Variants in ARB2A observed in about 807,000 individuals in gnomAD.
ARB2A encodes the protein ARB2 cotranscriptional regulator A, also known as cotranscriptional regulator ARB2A.
chr5:93,940,475 T>C, the ARB2A span, among the ~76,000 whole-genome samples: 1 of 152,002 alleles, frequency 6.6e-6, no homozygotes, highest in Non-Finnish European at 1.5e-5. Flanking sequence ...TCATATTAAA[T>C]CTTTAACTTA....
At chr5:93,990,967 G>A in the ARB2A span, among the ~76,000 whole-genome samples, 84 of 152,200 alleles carry the variant, frequency 5.5e-4, no homozygotes, top group South Asian at 8.7e-3. Flanking sequence ...TGTATGGCAC[G>A]ATTCGATTGA....
the ARB2A span, among the ~76,000 whole-genome samples, chr5:93,677,944 A>G: frequency 3.3e-5 from 5 of 152,330 alleles, no homozygotes; most frequent in African/African-American, 1.2e-4. Context: ...TCAAAATAAC[A>G]ACAGAACAAC....
chr5:94,044,116 T>C, the ARB2A span, among the ~76,000 whole-genome samples: 1 of 152,158 alleles, frequency 6.6e-6, no homozygotes, highest in Admixed American at 6.5e-5. Flanking sequence ...ACAAGAGGGT[T>C]GGGTAACGTA....
At chr5:94,040,213 C>G in the ARB2A span, among the ~76,000 whole-genome samples, 1 of 152,092 alleles carries the variant, frequency 6.6e-6, no homozygotes, top group Admixed American at 6.6e-5. Context: ...GTACTCTTTG[C>G]TAATGGCTAT....
the ARB2A span, among the ~76,000 whole-genome samples, chr5:94,066,218 C>G: frequency 6.6e-6 from 1 of 151,636 alleles, no homozygotes; most frequent in East Asian, 1.9e-4. Context: ...AACGATACAG[C>G]AATAAATGAC....
chr5:93,942,680 AT>A, the ARB2A span, among the ~76,000 whole-genome samples: 1 of 151,634 alleles, frequency 6.6e-6, no homozygotes, highest in East Asian at 1.9e-4. Flanking sequence ...TATATTAATT[AT>A]AAAAGTAATA....
At chr5:94,091,219 A>T in the ARB2A span, among the ~76,000 whole-genome samples, 1 of 152,240 alleles carries the variant, frequency 6.6e-6, no homozygotes, top group South Asian at 2.1e-4. Context: ...AGAATAAATA[A>T]GGTTGTTTTA....
chr5:94,056,237 A>G, the ARB2A span, among the ~76,000 whole-genome samples: 1 of 152,220 alleles, frequency 6.6e-6, no homozygotes, highest in African/African-American at 2.4e-5. Context: ...GAATACAAAA[A>G]TGTGCTTTGG....
chr5:93,904,951 T>C, the ARB2A span, among the ~76,000 whole-genome samples: 2 of 151,694 alleles, frequency 1.3e-5, no homozygotes, highest in African/African-American at 2.4e-5. Flanking sequence ...AAAGCAAATA[T>C]ACCAGGTAAG....
At chr5:93,828,204 C>T in the ARB2A span, among the ~76,000 whole-genome samples, 38 of 152,258 alleles carry the variant, frequency 2.5e-4, 1 homozygote, top group African/African-American at 8.9e-4. Flanking sequence ...TTTCATGATA[C>T]TGATTCTTCC....
the ARB2A span, among the ~76,000 whole-genome samples, chr5:93,849,776 T>C: frequency 6.6e-6 from 1 of 152,114 alleles, no homozygotes; most frequent in Non-Finnish European, 1.5e-5. Context: ...ATTTAGCTAT[T>C]TTAAAATTTA....
At chr5:93,986,002 C>A in the ARB2A span, among the ~76,000 whole-genome samples, 55 of 150,252 alleles carry the variant, frequency 3.7e-4, no homozygotes, top group Middle Eastern at 3.2e-3. Flanking sequence ...GGCCGCCTAT[C>A]GTCTGGGATG....
At chr5:93,991,254 GA>G in the ARB2A span, among the ~76,000 whole-genome samples, 1 of 152,008 alleles carries the variant, frequency 6.6e-6, no homozygotes, top group Admixed American at 6.6e-5. Context: ...ACTCATAAGA[GA>G]GCTAAACTAT....
At chr5:93,631,375 T>C in the ARB2A span, among the ~76,000 whole-genome samples, 8 of 152,232 alleles carry the variant, frequency 5.3e-5, no homozygotes, top group African/African-American at 1.9e-4. Context: ...TCTTGTCTTA[T>C]CTCACATACT....
chr5:93,934,542 C>G, the ARB2A span, among the ~76,000 whole-genome samples: 1 of 152,162 alleles, frequency 6.6e-6, no homozygotes, highest in Non-Finnish European at 1.5e-5. Context: ...TGGGCCTAAT[C>G]TCTTTGCCTG....
At chr5:93,770,707 C>T in the ARB2A span, among the ~76,000 whole-genome samples, 1 of 152,102 alleles carries the variant, frequency 6.6e-6, no homozygotes, top group Non-Finnish European at 1.5e-5. Context: ...TTCACAATTG[C>T]TTCAAAGAGA....
At chr5:93,959,979 A>G in the ARB2A span, among the ~76,000 whole-genome samples, 1 of 151,940 alleles carries the variant, frequency 6.6e-6, no homozygotes, top group Non-Finnish European at 1.5e-5. Flanking sequence ...TCTTACATAA[A>G]GAAGGTCAAT....
At chr5:93,751,262 T>C in the ARB2A span, among the ~76,000 whole-genome samples, 1 of 152,312 alleles carries the variant, frequency 6.6e-6, no homozygotes, top group East Asian at 1.9e-4. Context: ...CAGGCAGTTA[T>C]GCAAAACATC....
At chr5:93,855,603 T>C in the ARB2A span, among the ~76,000 whole-genome samples, 1,656 of 152,286 alleles carry the variant, frequency 0.011, 13 homozygotes, top group Non-Finnish European at 0.015. Flanking sequence ...GTACTGGTTG[T>C]TCCTTTCCAT....
Sources: gnomAD v4.1 joint callset for allele counts (sites outside exome capture counted in the v4.1 genomes callset) on GRCh38, gnomAD v4.1.1 for gene constraint, MANE v1.5 for transcripts, NCBI Gene and HGNC (gene_info 2026-07-23, HGNC 2026-07-21) for gene names.